MAT2A: variants seen among roughly 807,000 people sequenced by gnomAD.
MAT2A encodes the protein S-adenosylmethionine synthase isoform type-2.
A neutral mutation model predicts 43.9 loss-of-function variants in MAT2A; 3 were observed. The observed-to-expected ratio is 0.07, with a 90% CI of 0.03 to 0.18. MAT2A has a LOEUF of 0.18. Ranked by LOEUF, MAT2A falls within the 10% of genes least tolerant of loss-of-function variation. The probability of loss-of-function intolerance (pLI) is 1.00; values close to 1 mark genes in which losing one functional copy is unlikely to be tolerated. For missense variants in MAT2A, 204 were observed against 489.0 expected (o/e 0.42, Z 5.50); for synonymous variants, 200 against 168.4 (o/e 1.19, Z -1.45).
Position 85,541,074 on chromosome 2 carries a change from C to T in MAT2A, c.92-9C>T. 2.1e-5 allele frequency: 33 copies of T among 1,603,820 alleles called. No individual in the cohort carries two copies. Among genetic ancestry groups the T allele is most frequent in the Non-Finnish European group, 2.6e-5 (31 of 1,174,010 alleles). On this transcript the variant is annotated splice_polypyrimidine_tract_variant and intron_variant, in intron 1 of 8. Transcript: ENST00000306434. Reference sequence around the variant, plus strand: ...TAAAGAAACTGAGCCAGGAATTTCTCTTTTCCAGATAAGATTTGTGACCAA... The same window carrying T: ...TAAAGAAACTGAGCCAGGAATTTCTTTTTTCCAGATAAGATTTGTGACCAA...
At chr2:85,539,551 C>G (rs1203677867) in intron 1 of MAT2A, 173 bp downstream of exon 1, 2 of 489,214 alleles carry the variant, frequency 4.1e-6, no homozygotes, top group African/African-American at 4.2e-5. Context: ...TGGCGCGTGG[C>G]CGCCGCTCCT....
Position 85,542,538 on chromosome 2 carries a change from A to C in MAT2A, c.769-27A>C, listed in dbSNP as rs770859859. 2.5e-6 allele frequency: 4 copies of C among 1,605,592 alleles called. No individual in the cohort carries two copies. The East Asian group carries it at 8.9e-5, about 36-fold the overall frequency. ...AATCCACTTGGAAAGCACTAGGCGT[A>C]AAGTAACTTAAATCCTGTAATTTCA... On this transcript the variant is annotated intron_variant, in intron 6 of 8. Coordinates refer to ENST00000306434, the MANE Select transcript of MAT2A (RefSeq NM_005911.6).
Position 85,542,989 on chromosome 2 carries a change from A to G in MAT2A, c.1040A>G (p.Glu347Gly). 6.2e-7 allele frequency: 1 copy of G among 1,613,440 alleles called. No homozygotes were observed. The highest frequency in any genetic ancestry group is 1.1e-5 in the South Asian group (1 of 91,038). The change falls in exon 8 of 9, where the codon GAG becomes GGG. Residue 347 changes from glutamate to glycine, a missense_variant. By Grantham distance (98) the Glu-to-Gly change is moderately conservative. Around this residue, in one of 6 missense-constraint regions of MAT2A, gnomAD observed 45 missense variants for 106.8 expected, o/e 0.42. Coordinates refer to ENST00000306434, the MANE Select transcript of MAT2A (RefSeq NM_005911.6). ...TSQKSERELLEIVKKNFDLRP... is the reference protein window; with the variant it reads ...TSQKSERELLGIVKKNFDLRP... Reference sequence around the variant, plus strand: ...CAGAAGAGTGAGAGAGAGCTATTAGAGATTGTGAAGAAGAATTTCGATCTC... The same window carrying G: ...CAGAAGAGTGAGAGAGAGCTATTAGGGATTGTGAAGAAGAATTTCGATCTC...
intron 3 of MAT2A, 31 bp downstream of exon 3, chr2:85,541,408 C>G: frequency 1.9e-6 from 3 of 1,604,552 alleles, no homozygotes; most frequent in South Asian, 1.1e-5. Flanking sequence ...TCATTTTTTT[C>G]TAGGTAACAG....
intron 3 of MAT2A, 48 bp from the exon 4 acceptor site, chr2:85,541,585 G>A (rs747980332): frequency 7.0e-7 from 1 of 1,432,158 alleles, no homozygotes; most frequent in South Asian, 1.3e-5. Context: ...GCTGTAAACA[G>A]CAGGTATTTC....
chr2:85,543,566 C>T, intron 8 of MAT2A, 104 bp from the exon 9 acceptor site: 1 of 734,130 alleles, frequency 1.4e-6, no homozygotes, highest in Non-Finnish European at 2.3e-6. Context: ...CTAGCATATC[C>T]CAGAGAACTC....
rs757299832 is a variant in MAT2A, at chr2:85,542,334, C to T, written c.729C>T (p.His243=). Residue 243 remains histidine (H), a synonymous_variant, in exon 6 of 9, where the codon CAC becomes CAT. Coordinates refer to ENST00000306434, the MANE Select transcript of MAT2A (RefSeq NM_005911.6). Reference sequence around the variant, plus strand: ...ACCTTGATGAGGATACAATCTACCACCTACAGCCAAGTGGCAGATTTGTTA... The same window carrying T: ...ACCTTGATGAGGATACAATCTACCATCTACAGCCAAGTGGCAGATTTGTTA... ...AKYLDEDTIY[H]LQPSGRFVIG... is the part of the protein sequence containing the mutation. The T allele has an allele frequency of 7.1e-5, 115 of 1,614,076 alleles. No individual in the cohort carries two copies. In the Admixed American group the frequency reaches 1.8e-3, roughly 26 times the overall value.
chr2:85,540,896 A>T (rs1352302127), intron 1 of MAT2A, among the ~76,000 whole-genome samples, 187 bp from the exon 2 acceptor site: 4 of 152,198 alleles, frequency 2.6e-5, no homozygotes, highest in Non-Finnish European at 5.9e-5. Flanking sequence ...CTTTCTGGTG[A>T]TTAGATTTAT....
Position 85,542,948 on chromosome 2 carries a change from C to T in MAT2A, c.999C>T (p.Phe333=). ...CTCATCCATTATCTATCTCCATTTTCCATTATGGTACCTCTCAGAAGAGTG... is the reference window on the plus strand; with the variant it reads ...CTCATCCATTATCTATCTCCATTTTTCATTATGGTACCTCTCAGAAGAGTG... ...GVSHPLSISI[F]HYGTSQKSER... is the part of the protein sequence containing the mutation. Residue 333 remains phenylalanine, a synonymous_variant, in exon 8 of 9, where the codon TTC becomes TTT. Coordinates refer to ENST00000306434, the MANE Select transcript of MAT2A (RefSeq NM_005911.6). 1 of 1,613,548 alleles carries T rather than the reference C, an allele frequency of 6.2e-7. No individual in the cohort carries two copies. Among genetic ancestry groups the T allele is most frequent in the Non-Finnish European group, 8.5e-7 (1 of 1,179,828 alleles).
rs568801854 is a variant in MAT2A at position 85,541,927 on chromosome 2, C to T, written c.504C>T (p.Arg168=). The change falls in exon 5 of 9, where the codon CGC becomes CGT. Residue 168 remains arginine (R), a synonymous_variant. Coordinates refer to ENST00000306434, the MANE Select transcript of MAT2A (RefSeq NM_005911.6). ...HKLNAKLAEL[R]RNGTLPWLRP... ...TAAATGCCAAACTGGCAGAACTACG[C>T]CGTAATGGCACTTTGCCTTGGTTAC... 2.5e-6 allele frequency: 4 copies of T among 1,614,226 alleles called. No individual in the cohort carries two copies. The highest frequency in any genetic ancestry group is 3.4e-6 in the Non-Finnish European group (4 of 1,180,034).
chr2:85,543,039 A>T lies in MAT2A; in HGVS notation c.1085+5A>T. The T allele has an allele frequency of 6.2e-7, 1 of 1,611,530 alleles. No homozygotes were observed. The highest frequency in any genetic ancestry group is 8.5e-7 in the Non-Finnish European group (1 of 1,179,560). Reference sequence around the variant, plus strand: ...CCGCCCTGGGGTCATTGTCAGGTAAAGATGGTAAAGCCTGTTGCTAGTCAA... The same window carrying T: ...CCGCCCTGGGGTCATTGTCAGGTAATGATGGTAAAGCCTGTTGCTAGTCAA... On this transcript the variant is annotated splice_donor_5th_base_variant and intron_variant, in intron 8 of 8. Transcript: ENST00000306434.
Position 85,544,467 on chromosome 2 carries a change from G to A in MAT2A, c.*695G>A, listed in dbSNP as rs1691562074. On this transcript the variant is annotated 3_prime_UTR_variant, in exon 9 of 9. Coordinates refer to ENST00000306434, the MANE Select transcript of MAT2A (RefSeq NM_005911.6). ...CCAAATCAAAATCTCTCCACTTTCA[G>A]CTGTCTTTTGGAGGACGTACGTAAT... The A allele has an allele frequency of 6.6e-6, 1 of 152,588 alleles. No individual in the cohort carries two copies. Among genetic ancestry groups the A allele is most frequent in the East Asian group, 1.9e-4 (1 of 5,200 alleles). 9.5% of individuals were successfully genotyped at this position (152,588 alleles called of 1,614,324 possible).
chr2:85,541,443 G>A (rs911255984), intron 3 of MAT2A, 66 bp downstream of exon 3: 5 of 1,567,354 alleles, frequency 3.2e-6, no homozygotes, highest in African/African-American at 1.4e-5. Flanking sequence ...GAAACTCCTA[G>A]AATGTTCCTG....
At chr2:85,539,953 C>G (rs1691422312) in intron 1 of MAT2A, 1 of 152,532 alleles carries the variant, frequency 6.6e-6, no homozygotes, top group African/African-American at 2.4e-5. Flanking sequence ...TGACTACACA[C>G]TGGAGAATAC....
intron 7 of MAT2A, 63 bp from the exon 8 acceptor site, chr2:85,542,838 C>A (rs759955458): frequency 1.4e-5 from 22 of 1,565,218 alleles, no homozygotes; most frequent in Admixed American, 5.4e-5. Flanking sequence ...TTTATACCAA[C>A]GTATTATACA....
chr2:85,541,883 A>G lies in MAT2A; in HGVS notation c.460A>G (p.Ile154Val), dbSNP rs764743973. 5 of 1,614,078 alleles carry G rather than the reference A, an allele frequency of 3.1e-6. No homozygotes were observed. Among genetic ancestry groups the G allele is most frequent in the South Asian group, 2.2e-5 (2 of 91,094 alleles). ...AACTGAGGAGTGTATGCCTTTAACC[A>G]TTGTCTTGGCACACAAGCTAAATGC... is the stretch of plus-strand genomic sequence containing the variant. ...DETEECMPLTIVLAHKLNAKL... is the reference protein window; with the variant it reads ...DETEECMPLTVVLAHKLNAKL... Residue 154 changes from isoleucine to valine, a missense_variant, in exon 5 of 9, where the codon ATT (isoleucine) becomes GTT (valine). This residue lies in a region of MAT2A where 103 missense variants were observed against 226.4 expected (regional missense o/e 0.45). Coordinates refer to ENST00000306434, the MANE Select transcript of MAT2A (RefSeq NM_005911.6).
At chr2:85,539,812 T>A (rs965344874) in intron 1 of MAT2A, 2 of 158,076 alleles carry the variant, frequency 1.3e-5, no homozygotes, top group Non-Finnish European at 2.8e-5. Context: ...GGCGACCACG[T>A]GTTTGCCGCA....
intron 1 of MAT2A, chr2:85,540,075 G>A (rs535865093): frequency 2.0e-5 from 3 of 152,414 alleles, no homozygotes; most frequent in African/African-American, 7.2e-5. Context: ...AAAAGGATGG[G>A]AAGCATGAAT....
At chr2:85,539,588 C>A in intron 1 of MAT2A, 5 of 450,310 alleles carry the variant, frequency 1.1e-5, no homozygotes, top group Middle Eastern at 6.0e-4. Flanking sequence ...CCACCCTTCC[C>A]TTCCCCCCTC....
Sources: gnomAD v4.1 joint callset for allele counts (sites outside exome capture counted in the v4.1 genomes callset) on GRCh38, gnomAD v4.1.1 for gene constraint, gnomAD v4.1.1 regional missense constraint, MANE v1.5 for transcripts, NCBI Gene and HGNC (gene_info 2026-07-23, HGNC 2026-07-21) for gene names.